The following DNM3 variants were observed in gnomAD, a reference collection of about 807,000 sequenced individuals.
DNM3 encodes the protein dynamin-3.
DNM3 carries 47 observed loss-of-function variants against 101.6 expected under a neutral mutation model. The observed-to-expected ratio is 0.46, with a 90% CI of 0.37 to 0.59. The LOEUF (loss-of-function observed/expected upper bound fraction) is 0.59. DNM3 is among the 20% of genes least tolerant of loss of function. The pLI, the probability that DNM3 is intolerant of heterozygous loss-of-function variation, is 0.00. For missense variants in DNM3, 849 were observed against 1,085.7 expected (o/e 0.78, Z 3.06); for synonymous variants, 385 against 387.9 (o/e 0.99, Z 0.09).
At chr1:172,032,620 T>G in intron 5 of DNM3, 120 bp downstream of exon 5, 2 of 540,738 alleles carry the variant, frequency 3.7e-6, no homozygotes, top group Non-Finnish European at 6.3e-6. Context: ...TTCTCAGTTG[T>G]AAGGAATGGA....
At chr1:172,143,165 A>G (rs867706895) in intron 14 of DNM3, among the ~76,000 whole-genome samples, 13 of 152,280 alleles carry the variant, frequency 8.5e-5, no homozygotes, top group Middle Eastern at 3.4e-3. Flanking sequence ...TTTTATAATA[A>G]AATATTTTGC....
In DNM3 at chr1:172,055,865, C is replaced by T. The variant is rs563688762; in HGVS notation, c.1335+7115C>T. 1.1e-4 allele frequency among the ~76,000 whole-genome samples: 17 copies of T among 152,278 alleles called. 1 individual carries two copies. Among genetic ancestry groups the T allele is most frequent in the East Asian group, 3.9e-4 (2 of 5,184 alleles). On this transcript the variant is annotated intron_variant, in intron 10 of 20. Coordinates refer to ENST00000627582, the MANE Select transcript of DNM3 (RefSeq NM_015569.5). The stretch of plus-strand genomic sequence containing the variant: ...CAAGATGGCCAAATAGGAACAGCTT[C>T]GGTCTACAGCTCCCAGCATGAGCGA...
intron 14 of DNM3, among the ~76,000 whole-genome samples, chr1:172,194,660 T>C (rs1337177683): frequency 1.3e-5 from 2 of 152,128 alleles, no homozygotes; most frequent in Non-Finnish European, 2.9e-5. Context: ...AAAGTCTGCT[T>C]TATCAGAGAC....
intron 2 of DNM3, among the ~76,000 whole-genome samples, chr1:171,922,340 CTGA>C (rs909401254): frequency 3.0e-4 from 46 of 152,114 alleles, no homozygotes; most frequent in African/African-American, 1.1e-3. Context: ...ATTTCAGCAA[CTGA>C]TGATGTTGAA....
At chr1:172,417,423 T>C (rs1346808481), downstream of DNM3, among the ~76,000 whole-genome samples, 1 of 152,212 alleles carries the variant, frequency 6.6e-6, no homozygotes, top group Non-Finnish European at 1.5e-5. Flanking sequence ...GAAAGGCTGA[T>C]GTCAAATGAA....
chr1:171,877,164 A>G (rs1022064345), intron 1 of DNM3, among the ~76,000 whole-genome samples: 2 of 152,226 alleles, frequency 1.3e-5, no homozygotes, highest in African/African-American at 4.8e-5. Context: ...ATGGGAATAA[A>G]TTATAATTTT....
chr1:172,157,416 G>A (rs1225485849), intron 14 of DNM3, among the ~76,000 whole-genome samples: 1 of 152,102 alleles, frequency 6.6e-6, no homozygotes, highest in African/African-American at 2.4e-5. Flanking sequence ...TGGTTCAGGG[G>A]TTGGGAACCT....
At chr1:172,204,219 T>C (rs1015399950) in intron 14 of DNM3, among the ~76,000 whole-genome samples, 5 of 152,124 alleles carry the variant, frequency 3.3e-5, no homozygotes, top group Admixed American at 1.3e-4. Flanking sequence ...ATATTTTTGG[T>C]ATGTTTTATT....
chr1:172,322,548 C>T (rs766802501), intron 16 of DNM3, among the ~76,000 whole-genome samples: 1 of 152,120 alleles, frequency 6.6e-6, no homozygotes. Context: ...TTTGCCCTGC[C>T]GCCTGCTGCT....
chr1:171,973,675 T>C (rs954670056), intron 2 of DNM3, among the ~76,000 whole-genome samples: 1 of 149,514 alleles, frequency 6.7e-6, no homozygotes, highest in Non-Finnish European at 1.5e-5. Flanking sequence ...CCAAAATCTT[T>C]TTTTTTTTTT....
At chr1:172,066,002 A>T (rs1000548700) in intron 10 of DNM3, among the ~76,000 whole-genome samples, 3 of 152,116 alleles carry the variant, frequency 2.0e-5, no homozygotes, top group African/African-American at 7.2e-5. Flanking sequence ...ACACTAATAT[A>T]TGTTGTGCAT....
chr1:172,183,611 TA>T (rs986647571), intron 14 of DNM3, among the ~76,000 whole-genome samples: 1 of 151,952 alleles, frequency 6.6e-6, no homozygotes, highest in African/African-American at 2.4e-5. Flanking sequence ...TAAATTTTTT[TA>T]TTTTTTGTGA....
intron 11 of DNM3, among the ~76,000 whole-genome samples, chr1:172,078,026 G>A (rs1164351600): frequency 6.6e-6 from 1 of 152,102 alleles, no homozygotes; most frequent in African/African-American, 2.4e-5. Flanking sequence ...AGCTCTTCTT[G>A]TTGCATTGAT....
chr1:172,319,953 C>T (rs372486301), intron 16 of DNM3, among the ~76,000 whole-genome samples: 13,035 of 150,962 alleles, frequency 0.086, 731 homozygotes, highest in African/African-American at 0.16. Context: ...TGCAGCACTA[C>T]TCACAATAGC....
intron 4 of DNM3, among the ~76,000 whole-genome samples, chr1:172,020,444 C>T (rs1026844440): frequency 1.2e-4 from 18 of 151,940 alleles, no homozygotes; most frequent in South Asian, 2.1e-4. Context: ...GAATGGACCC[C>T]GCGCGGTGGC....
chr1:172,022,220 T>A (rs1414732953), intron 4 of DNM3, among the ~76,000 whole-genome samples: 1 of 152,186 alleles, frequency 6.6e-6, no homozygotes, highest in African/African-American at 2.4e-5. Flanking sequence ...ATAGTATCTA[T>A]CTCTTGGTGG....
intron 16 of DNM3, among the ~76,000 whole-genome samples, chr1:172,318,414 G>T (rs569123562): frequency 0.025 from 3,749 of 152,230 alleles, 72 homozygotes; most frequent in Non-Finnish European, 0.038. Flanking sequence ...AGGAAATAAA[G>T]GGTATTCAAT....
intron 1 of DNM3, among the ~76,000 whole-genome samples, chr1:171,851,818 A>T (rs2033009619): frequency 6.6e-6 from 1 of 152,262 alleles, no homozygotes; most frequent in Admixed American, 6.5e-5. Context: ...GACTACATCC[A>T]AGGTAGTTAT....
chr1:172,025,068 C>T (rs1000604338), intron 4 of DNM3, among the ~76,000 whole-genome samples: 1 of 152,218 alleles, frequency 6.6e-6, no homozygotes, highest in African/African-American at 2.4e-5. Flanking sequence ...ATTCTCACTG[C>T]CAGCACAGCA....
Sources: gnomAD v4.1 joint callset for allele counts (sites outside exome capture counted in the v4.1 genomes callset) on GRCh38, gnomAD v4.1.1 for gene constraint, MANE v1.5 for transcripts, NCBI Gene and HGNC (gene_info 2026-07-23, HGNC 2026-07-21) for gene names.